GEMIN5: variants seen among roughly 807,000 people sequenced by gnomAD.
The protein encoded by GEMIN5 is gem-associated protein 5.
GEMIN5 carries 124 observed loss-of-function variants against 176.9 expected under a neutral mutation model. The ratio of observed to expected loss-of-function variants is 0.70; its 90% CI spans 0.61 to 0.81. The LOEUF (loss-of-function observed/expected upper bound fraction) is 0.81. GEMIN5 is among the 40% of genes least tolerant of loss of function. GEMIN5 has a pLI of 0.00. For synonymous variants in GEMIN5, 673 were observed against 665.2 expected (o/e 1.01, Z -0.18); for missense variants, 1,843 against 1,814.6 (o/e 1.02, Z -0.28).
chr5:154,896,488 C>A, intron 23 of GEMIN5, 145 bp from the exon 24 acceptor site: 1 of 736,932 alleles, frequency 1.4e-6, no homozygotes, highest in South Asian at 2.7e-5. Flanking sequence ...CCATATGAGT[C>A]ATGCATGAAA....
intron 11 of GEMIN5, among the ~76,000 whole-genome samples, chr5:154,918,684 A>G (rs1273107124): frequency 2.8e-4 from 42 of 152,244 alleles, no homozygotes; most frequent in Non-Finnish European, 1.2e-4. Flanking sequence ...AATCAACAAT[A>G]TAACCCAATT....
In GEMIN5 at chr5:154,889,402, AT is replaced by A; in HGVS notation, c.4277del (p.Asn1426MetfsTer9). 1.2e-6 allele frequency: 2 copies of A among 1,606,538 alleles called. No individual in the cohort carries two copies. The highest frequency in any genetic ancestry group is 1.7e-6 in the Non-Finnish European group (2 of 1,173,540). On this transcript the variant is annotated frameshift_variant, in exon 27 of 28. Transcript: ENST00000285873. LOFTEE classifies it high-confidence loss of function. ...SSQSQCKEEK[N>X]EPLSLPELTK... ...TTAACTCAGGCAGAGAAAGTGGCTCATTTTTTTCTTCTTTACTAGTGAAAAA... is the reference window on the plus strand; with the variant it reads ...TTAACTCAGGCAGAGAAAGTGGCTCATTTTTTCTTCTTTACTAGTGAAAAA...
At chr5:154,931,621 C>A (rs377052187) in intron 4 of GEMIN5, 44 bp from the exon 5 acceptor site, 1 of 1,519,258 alleles carries the variant, frequency 6.6e-7, no homozygotes, top group South Asian at 1.2e-5. Context: ...ACATTAAACA[C>A]GCACTAATAT....
At chr5:154,937,939 A>C in intron 1 of GEMIN5, 29 bp downstream of exon 1, 1 of 1,535,756 alleles carries the variant, frequency 6.5e-7, no homozygotes, top group Non-Finnish European at 8.7e-7. Flanking sequence ...AAAGGGCAGT[A>C]AGTCTCGGGC....
At chr5:154,921,226 C>T (rs986325583) in intron 10 of GEMIN5, 117 bp downstream of exon 10, 7 of 646,574 alleles carry the variant, frequency 1.1e-5, no homozygotes, top group Admixed American at 2.9e-5. Context: ...ACATAAGTAG[C>T]CCACATAAGC....
rs577185828 is a variant in GEMIN5, at chr5:154,935,625, G to A, written c.509+216C>T. Among the ~76,000 whole-genome samples the A allele has an allele frequency of 2.0e-5, 3 of 152,254 alleles. No homozygotes were observed. In the East Asian group the frequency reaches 5.8e-4, roughly 29 times the overall value. Reference sequence around the variant, plus strand: ...ATTGGAGGAGTTAGATCCGAAAAACGAAGAAAGTACAGTACCATGGAAACC... The same window carrying A: ...ATTGGAGGAGTTAGATCCGAAAAACAAAGAAAGTACAGTACCATGGAAACC... On this transcript the variant is annotated intron_variant, in intron 3 of 27. Transcript: ENST00000285873.
intron 23 of GEMIN5, among the ~76,000 whole-genome samples, chr5:154,897,055 A>G (rs1267076207): frequency 6.6e-6 from 1 of 152,256 alleles, no homozygotes; most frequent in Non-Finnish European, 1.5e-5. Context: ...TAAGAGAAAA[A>G]TAAAATGCTA....
intron 10 of GEMIN5, 136 bp downstream of exon 10, chr5:154,921,207 C>A: frequency 1.6e-6 from 1 of 610,818 alleles, no homozygotes; most frequent in East Asian, 3.1e-5. Context: ...TCTTCATGAA[C>A]CCCTGGGGAC....
At position 154,917,823 on chromosome 5, in the gene GEMIN5, C is replaced by T. The variant is rs1582666978; in HGVS notation, c.1673+108G>A. 4 of 743,820 alleles carry T rather than the reference C, an allele frequency of 5.4e-6. No homozygotes were observed. The East Asian group carries it at 7.7e-5, about 14-fold the overall frequency. The allele number at this position is 743,820 out of a possible 1,614,324, so 46.1% of individuals were successfully genotyped here. A position where few individuals can be genotyped will look rare whatever the true frequency, so the allele number is the denominator to read the frequency against. On this transcript the variant is annotated intron_variant, in intron 12 of 27. Coordinates refer to ENST00000285873, the MANE Select transcript of GEMIN5 (RefSeq NM_015465.5). The stretch of plus-strand genomic sequence containing the variant: ...GGATATCAAGAATAAATCAAAATAC[C>T]AAATACAACTGGGCCGCCCCAGCTA...
chr5:154,922,081 T>G (rs1763933898), intron 9 of GEMIN5, among the ~76,000 whole-genome samples: 1 of 152,268 alleles, frequency 6.6e-6, no homozygotes, highest in South Asian at 2.1e-4. Context: ...GACAAATTTA[T>G]AGTGATCAAT....
intron 9 of GEMIN5, among the ~76,000 whole-genome samples, chr5:154,922,492 T>A (rs1168302539): frequency 1.3e-5 from 2 of 151,994 alleles, no homozygotes; most frequent in Non-Finnish European, 2.9e-5. Context: ...GAATAAGCAG[T>A]TCTGGCAAAA....
chr5:154,892,824 C>T (rs553791981), intron 24 of GEMIN5, among the ~76,000 whole-genome samples: 104 of 152,292 alleles, frequency 6.8e-4, no homozygotes, highest in African/African-American at 2.3e-3. Flanking sequence ...GTGGGCCAGG[C>T]GCGGTGGCTC....
chr5:154,910,224 G>A (rs901208620), intron 15 of GEMIN5, among the ~76,000 whole-genome samples: 4 of 151,920 alleles, frequency 2.6e-5, no homozygotes, highest in African/African-American at 9.7e-5. Flanking sequence ...GCTACTATGA[G>A]CATTCTTTTA....
rs200206273 is a variant in GEMIN5 at position 154,891,652 on chromosome 5, C to T, written c.3851G>A (p.Arg1284His). The change falls in exon 26 of 28, where the codon CGT becomes CAT. Residue 1284 changes from arginine to histidine, a missense_variant. Physicochemically the swap from Arg to His is conservative, Grantham distance 29 (BLOSUM62 0). Transcript: ENST00000285873. ...GAGAGACCACCAGAATTCATACAGA[C>T]GCCCATAAAGAAAAAAGGCCTCCAA... ...KSLEAFFLYG[R>H]LYEFWWSLSR... is the part of the protein sequence containing the mutation. The T allele has an allele frequency of 9.7e-5, 156 of 1,613,844 alleles. No individual in the cohort carries two copies. The highest frequency in any genetic ancestry group is 3.7e-4 in the Admixed American group (22 of 59,954).
chr5:154,912,007 C>A lies in GEMIN5; in HGVS notation c.1996-109G>T, dbSNP rs570292490. ...AACAAAAAACAAAAACAATCTGCGGCCTCTTATTTCCTCAGGTGATTTAGA... is the reference window on the plus strand; with the variant it reads ...AACAAAAAACAAAAACAATCTGCGGACTCTTATTTCCTCAGGTGATTTAGA... On this transcript the variant is annotated intron_variant, in intron 14 of 27. Transcript: ENST00000285873. The A allele has an allele frequency of 9.0e-5, 83 of 926,194 alleles. 1 individual carries two copies. The South Asian group carries it at 1.4e-3, about 16-fold the overall frequency. The allele number at this position is 926,194 out of a possible 1,614,324, so 57.4% of individuals were successfully genotyped here.
rs1184006812 is a variant in GEMIN5, at chr5:154,888,005, T to C, written c.*205A>G. The C allele has an allele frequency of 5.4e-6, 3 of 553,796 alleles. No homozygotes were observed. The highest frequency in any genetic ancestry group is 3.2e-5 in the Admixed American group (1 of 31,498). 34.3% of individuals were successfully genotyped at this position (553,796 alleles called of 1,614,324 possible). A position where few individuals can be genotyped will look rare whatever the true frequency, so the allele number is the denominator to read the frequency against. On this transcript the variant is annotated 3_prime_UTR_variant, in exon 28 of 28. Transcript: ENST00000285873. ...GGGCTTTTCATGATCTTCCCTCCAG[T>C]AGGAGACCACAATTGAGTCTAAAGT...
At chr5:154,903,433 T>C (rs1247681575) in intron 18 of GEMIN5, among the ~76,000 whole-genome samples, 1 of 152,154 alleles carries the variant, frequency 6.6e-6, no homozygotes, top group African/African-American at 2.4e-5. Flanking sequence ...AAGAAAGTCC[T>C]TAATATTCAC....
At chr5:154,894,557 G>A (rs942373386) in intron 24 of GEMIN5, among the ~76,000 whole-genome samples, 6 of 152,064 alleles carry the variant, frequency 3.9e-5, no homozygotes, top group Non-Finnish European at 5.9e-5. Flanking sequence ...GATCACATGA[G>A]GTCAGAAGTT....
intron 14 of GEMIN5, among the ~76,000 whole-genome samples, chr5:154,912,548 T>C (rs917000486): frequency 6.6e-6 from 1 of 152,188 alleles, no homozygotes; most frequent in Non-Finnish European, 1.5e-5. Context: ...TATTAAAAAA[T>C]TGTTTTGTGA....
Sources: allele counts gnomAD v4.1 joint callset (sites outside exome capture counted in the v4.1 genomes callset), GRCh38; gene constraint gnomAD v4.1.1; transcripts MANE v1.5; gene names NCBI Gene and HGNC (gene_info 2026-07-23, HGNC 2026-07-21).